The following ELAPOR2 variants were observed in gnomAD, a reference collection of about 807,000 sequenced individuals.
The protein encoded by ELAPOR2 is endosome/lysosome-associated apoptosis and autophagy regulator family member 2.
ELAPOR2 carries 89 observed loss-of-function variants against 120.7 expected under a neutral mutation model. That is an observed-to-expected ratio of 0.74 (90% CI 0.62 to 0.88). ELAPOR2 has a LOEUF of 0.88. Among genes scored for constraint, ELAPOR2 ranks in the 40% least tolerant of loss-of-function variants. The pLI is 0.00. For synonymous variants in ELAPOR2, 444 were observed against 444.9 expected (o/e 1.00, Z 0.03); for missense variants, 1,134 against 1,251.6 (o/e 0.91, Z 1.42).
chr7:87,045,891 G>A (rs1794938788), intron 1 of ELAPOR2, among the ~76,000 whole-genome samples: 1 of 151,882 alleles, frequency 6.6e-6, no homozygotes, highest in Non-Finnish European at 1.5e-5. Flanking sequence ...CTAAGATCTT[G>A]AACACAACAA....
chr7:86,914,758 T>G lies in ELAPOR2; in HGVS notation c.1696A>C (p.Thr566Pro). 6.2e-7 allele frequency: 1 copy of G among 1,612,148 alleles called. No individual in the cohort carries two copies. Among genetic ancestry groups the G allele is most frequent in the Non-Finnish European group, 8.5e-7 (1 of 1,179,126 alleles). ...TGATTAGTTCTCTGGAATGCCCATG[T>G]AAATGTAAAAGTTGCATTCTTGAAG... ...IIFKNATFTF[T>P]WAFQRTNQGQ... The change falls in exon 13 of 22, where the codon ACA becomes CCA. Residue 566 changes from threonine to proline, a missense_variant. This residue lies in a region of ELAPOR2 where 831 missense variants were observed against 867.6 expected (regional missense o/e 0.96). Transcript: ENST00000450689.
chr7:87,004,844 T>C (rs1635023), intron 1 of ELAPOR2, among the ~76,000 whole-genome samples: 57,492 of 151,928 alleles, frequency 0.38, 11,721 homozygotes, highest in African/African-American at 0.53. Context: ...TAAGTATCTT[T>C]CTCTAAAGAA....
chr7:87,049,445 C>A (rs949609447), intron 1 of ELAPOR2, among the ~76,000 whole-genome samples: 2 of 152,064 alleles, frequency 1.3e-5, no homozygotes, highest in Admixed American at 6.5e-5. Context: ...CCATGCCTGG[C>A]TAATTTTTTG....
chr7:87,005,664 G>A (rs1378133338), intron 1 of ELAPOR2, among the ~76,000 whole-genome samples: 2 of 152,108 alleles, frequency 1.3e-5, no homozygotes. Context: ...AAATAATTCA[G>A]TAAGGAAAGA....
intron 3 of ELAPOR2, 117 bp downstream of exon 3, chr7:86,947,610 T>C: frequency 1.1e-6 from 1 of 887,556 alleles, no homozygotes; most frequent in African/African-American, 1.7e-5. Context: ...TCTTTGCAAT[T>C]AGCTTATCTA....
At chr7:87,014,236 C>T (rs1583993761) in intron 1 of ELAPOR2, among the ~76,000 whole-genome samples, 1 of 152,114 alleles carries the variant, frequency 6.6e-6, no homozygotes, top group South Asian at 2.1e-4. Flanking sequence ...AAAATGGAAA[C>T]ACATGTAAAA....
At chr7:86,987,849 A>C (rs1176915428) in intron 1 of ELAPOR2, among the ~76,000 whole-genome samples, 2 of 152,244 alleles carry the variant, frequency 1.3e-5, no homozygotes, top group Non-Finnish European at 2.9e-5. Context: ...ATTACTGGGT[A>C]TATACCCAAA....
At chr7:86,880,573 T>C in intron 21 of ELAPOR2, 43 bp from the exon 22 acceptor site, 1 of 1,283,700 alleles carries the variant, frequency 7.8e-7, no homozygotes, top group Non-Finnish European at 1.1e-6. Context: ...ACTGAAATTC[T>C]CGTAAGATTT....
intron 1 of ELAPOR2, among the ~76,000 whole-genome samples, chr7:87,017,750 G>A (rs751978152): frequency 1.3e-5 from 2 of 151,794 alleles, no homozygotes; most frequent in Non-Finnish European, 2.9e-5. Flanking sequence ...GCAAGACTTC[G>A]TCTCTCCAAA....
intron 2 of ELAPOR2, among the ~76,000 whole-genome samples, chr7:86,952,999 G>A (rs767041623): frequency 1.3e-5 from 2 of 151,732 alleles, no homozygotes; most frequent in African/African-American, 4.8e-5. Flanking sequence ...GGGAGGCTGA[G>A]GCATGAGAAT....
chr7:86,974,622 G>GTGTGTT lies in ELAPOR2; in HGVS notation c.190-9599_190-9598insAACACA, dbSNP rs1297163753. 1.9e-4 allele frequency among the ~76,000 whole-genome samples: 9 copies of GTGTGTT among 46,502 alleles called. No homozygotes were observed. In the East Asian group the frequency reaches 4.3e-3, roughly 22 times the overall value. 30.5% of individuals were successfully genotyped at this position (46,502 alleles called of 152,430 possible). On this transcript the variant is annotated intron_variant, in intron 1 of 21. Transcript: ENST00000450689. ...GTGTGTGTGTGTGTGTGTGTGTGTT[G>GTGTGTT]GATACATGAAAAAAGACTATAGGCA...
At chr7:86,882,327 T>C (rs960310868) in intron 21 of ELAPOR2, among the ~76,000 whole-genome samples, 1 of 152,162 alleles carries the variant, frequency 6.6e-6, no homozygotes, top group Non-Finnish European at 1.5e-5. Flanking sequence ...GTATCAGCCA[T>C]AAACTCAAAA....
intron 1 of ELAPOR2, among the ~76,000 whole-genome samples, chr7:86,971,437 T>C (rs181642067): frequency 9.2e-5 from 14 of 152,292 alleles, no homozygotes; most frequent in African/African-American, 3.4e-4. Flanking sequence ...TACAATAATA[T>C]TAGAAATATG....
intron 1 of ELAPOR2, among the ~76,000 whole-genome samples, chr7:87,044,733 C>T (rs1030831032): frequency 6.6e-6 from 1 of 151,840 alleles, no homozygotes; most frequent in African/African-American, 2.4e-5. Flanking sequence ...AAAGCAATGG[C>T]AACAAAAGCC....
chr7:86,904,250 A>C (rs1164124278), intron 18 of ELAPOR2, among the ~76,000 whole-genome samples: 2 of 152,118 alleles, frequency 1.3e-5, no homozygotes, highest in Non-Finnish European at 2.9e-5. Flanking sequence ...CACTAACAGA[A>C]ATGTCTCATG....
At chr7:86,885,530 G>A (rs1215870298) in intron 21 of ELAPOR2, among the ~76,000 whole-genome samples, 1 of 152,096 alleles carries the variant, frequency 6.6e-6, no homozygotes, top group Non-Finnish European at 1.5e-5. Flanking sequence ...AACTTCAGCT[G>A]CTTCAAGAAA....
intron 1 of ELAPOR2, among the ~76,000 whole-genome samples, chr7:87,048,772 A>G (rs1795021088): frequency 6.6e-6 from 1 of 152,240 alleles, no homozygotes; most frequent in East Asian, 1.9e-4. Flanking sequence ...CACAAAAGTT[A>G]AAAATTAAAA....
At chr7:86,968,534 G>A (rs1791996153) in intron 1 of ELAPOR2, among the ~76,000 whole-genome samples, 2 of 152,110 alleles carry the variant, frequency 1.3e-5, no homozygotes, top group Non-Finnish European at 2.9e-5. Flanking sequence ...TCATTTCTAT[G>A]GACAAAAATC....
intron 20 of ELAPOR2, among the ~76,000 whole-genome samples, chr7:86,892,351 A>G (rs545401144): frequency 1.2e-4 from 19 of 152,180 alleles, no homozygotes; most frequent in African/African-American, 4.1e-4. Context: ...GTCCCTAGAT[A>G]TTACAATATA....
Sources: gnomAD v4.1 joint callset for allele counts (sites outside exome capture counted in the v4.1 genomes callset) on GRCh38, gnomAD v4.1.1 for gene constraint, gnomAD v4.1.1 regional missense constraint, MANE v1.5 for transcripts, NCBI Gene and HGNC (gene_info 2026-07-23, HGNC 2026-07-21) for gene names.